PADI6: variants seen among roughly 807,000 people sequenced by gnomAD.
PADI6 encodes inactive protein-arginine deiminase type-6.
A neutral mutation model predicts 78.2 loss-of-function variants in PADI6; 66 were observed. The observed-to-expected ratio is 0.84, with a 90% CI of 0.69 to 1.04. The LOEUF (loss-of-function observed/expected upper bound fraction) is 1.04. Among genes scored for constraint, PADI6 ranks in the 50% least tolerant of loss-of-function variants. The probability of loss-of-function intolerance (pLI) is 0.00; values close to 1 mark genes in which losing one functional copy is unlikely to be tolerated. For synonymous variants in PADI6, 397 were observed against 346.9 expected, an observed-to-expected ratio of 1.14 and a Z score of -1.60; for missense variants, 854 against 866.1, an observed-to-expected ratio of 0.99 and a Z score of 0.18.
Position 17,400,774 on chromosome 1 carries a change from A to C in PADI6, c.1852-431A>C, listed in dbSNP as rs78528908. Among the ~76,000 whole-genome samples, 62 of 152,166 alleles carry C rather than the reference A, an allele frequency of 4.1e-4. 2 individuals are homozygous for C. In the East Asian group the frequency reaches 0.01, roughly 25 times the overall value. ...AGGGACACAGGCCCTGCATGCTCCAATTGTACATGGGTGTCTTCTAACTTG... is the reference window on the plus strand; with the variant it reads ...AGGGACACAGGCCCTGCATGCTCCACTTGTACATGGGTGTCTTCTAACTTG... On this transcript the variant is annotated intron_variant, in intron 15 of 15. Transcript: ENST00000619609.
intron 3 of PADI6, among the ~76,000 whole-genome samples, chr1:17,376,687 T>C (rs529052816): frequency 4.6e-5 from 7 of 151,932 alleles, no homozygotes; most frequent in Middle Eastern, 3.4e-3. Context: ...CGTGAGCCAC[T>C]GTGCTGGGCC....
chr1:17,382,162 C>T, intron 6 of PADI6, 70 bp downstream of exon 6: 6 of 1,568,800 alleles, frequency 3.8e-6, no homozygotes, highest in Non-Finnish European at 5.2e-6. Context: ...CCCACACCTC[C>T]TCCCAGCAAG....
chr1:17,373,944 T>C (rs768902673), intron 2 of PADI6, among the ~76,000 whole-genome samples: 3 of 152,078 alleles, frequency 2.0e-5, no homozygotes, highest in Non-Finnish European at 4.4e-5. Flanking sequence ...GGTGCCTATG[T>C]TGGGGAGGTT....
chr1:17,380,084 T>C (rs2075058073), intron 4 of PADI6, 97 bp downstream of exon 4: 1 of 1,205,396 alleles, frequency 8.3e-7, no homozygotes, highest in Non-Finnish European at 1.2e-6. Flanking sequence ...CTAGCCCAAT[T>C]GCTGTGACAT....
chr1:17,389,033 C>T (rs1192322273), intron 8 of PADI6, among the ~76,000 whole-genome samples, 153 bp downstream of exon 8: 1 of 152,210 alleles, frequency 6.6e-6, no homozygotes, highest in Non-Finnish European at 1.5e-5. Flanking sequence ...TGCCCCAAGA[C>T]AGTCCAATAC....
intron 6 of PADI6, among the ~76,000 whole-genome samples, chr1:17,388,033 T>C (rs1287450042): frequency 6.6e-6 from 1 of 152,244 alleles, no homozygotes; most frequent in African/African-American, 2.4e-5. Flanking sequence ...AGGACTCTGA[T>C]ATTATCGCAG....
chr1:17,390,983 G>T (rs899726207), intron 8 of PADI6, among the ~76,000 whole-genome samples: 2 of 152,196 alleles, frequency 1.3e-5, no homozygotes, highest in African/African-American at 4.8e-5. Flanking sequence ...TCTAGACCTT[G>T]TCAGGCTGGT....
rs1298116521 is a variant in PADI6, at chr1:17,376,794, A to G, written c.367+1295A>G. ...AATCTTCTCAAATTAGACACCTACC[A>G]CCAACGGAGTTCTTTTAGAACTCTA... is the stretch of plus-strand genomic sequence containing the variant. On this transcript the variant is annotated intron_variant, in intron 3 of 15. Coordinates refer to ENST00000619609, the MANE Select transcript of PADI6 (RefSeq NM_207421.4). Among the ~76,000 whole-genome samples, 8 of 152,274 alleles carry G rather than the reference A, an allele frequency of 5.3e-5. 1 individual carries two copies. The South Asian group carries it at 1.4e-3, about 28-fold the overall frequency.
chr1:17,387,405 G>A (rs1056394165), intron 6 of PADI6, among the ~76,000 whole-genome samples: 1 of 149,154 alleles, frequency 6.7e-6, no homozygotes, highest in Non-Finnish European at 1.5e-5. Flanking sequence ...AGATAGTGCC[G>A]CTACACTCTA....
At chr1:17,392,761 A>G (rs1386976844) in intron 9 of PADI6, among the ~76,000 whole-genome samples, 1 of 152,202 alleles carries the variant, frequency 6.6e-6, no homozygotes, top group Non-Finnish European at 1.5e-5. Flanking sequence ...ATTAGACCAA[A>G]TGAGGCAGTT....
chr1:17,399,729 T>TAA (rs71575834), intron 15 of PADI6, among the ~76,000 whole-genome samples: 19,186 of 147,570 alleles, frequency 0.13, 1,341 homozygotes, highest in East Asian at 0.28. Context: ...CCTGCAACTT[T>TAA]AAAAAAAAGA....
In PADI6 at chr1:17,399,194, T is replaced by A. The variant is rs756534325; in HGVS notation, c.1851+347T>A. Among the ~76,000 whole-genome samples, 125 of 152,190 alleles carry A rather than the reference T, an allele frequency of 8.2e-4. 1 individual carries two copies. Among genetic ancestry groups the A allele is most frequent in the Non-Finnish European group, 8.2e-4 (56 of 68,036 alleles). ...AACCCAGAGTCGAGGTTGCCGCGCATCTGCCAGCAGCGAGGCCTTGAGCAA... is the reference window on the plus strand; with the variant it reads ...AACCCAGAGTCGAGGTTGCCGCGCAACTGCCAGCAGCGAGGCCTTGAGCAA... On this transcript the variant is annotated intron_variant, in intron 15 of 15. Coordinates refer to ENST00000619609, the MANE Select transcript of PADI6 (RefSeq NM_207421.4).
intron 6 of PADI6, among the ~76,000 whole-genome samples, chr1:17,386,633 G>A (rs1056456576): frequency 6.6e-6 from 1 of 152,238 alleles, no homozygotes; most frequent in African/African-American, 2.4e-5. Context: ...CAGGGCTGGT[G>A]AAGCATCTAG....
At chr1:17,384,702 G>A (rs908647522) in intron 6 of PADI6, among the ~76,000 whole-genome samples, 1 of 152,212 alleles carries the variant, frequency 6.6e-6, no homozygotes. Flanking sequence ...TTGCACCACT[G>A]CACTCCAGTC....
At chr1:17,373,669 T>G (rs1445999859) in intron 2 of PADI6, among the ~76,000 whole-genome samples, 1 of 152,076 alleles carries the variant, frequency 6.6e-6, no homozygotes, top group African/African-American at 2.4e-5. Context: ...TTTTGTATTT[T>G]TAGTATGAGA....
At chr1:17,385,915 C>G (rs1308549683) in intron 6 of PADI6, among the ~76,000 whole-genome samples, 3 of 152,168 alleles carry the variant, frequency 2.0e-5, no homozygotes, top group Non-Finnish European at 4.4e-5. Flanking sequence ...CTCAAATCAT[C>G]AGTATTTGCT....
In PADI6 at chr1:17,380,468, C is replaced by T. The variant is rs111350221; in HGVS notation, c.435+481C>T. Among the ~76,000 whole-genome samples, 503 of 152,190 alleles carry T rather than the reference C, an allele frequency of 3.3e-3. 4 individuals carry two copies. The highest frequency in any genetic ancestry group is 0.012 in the African/African-American group (485 of 41,540). On this transcript the variant is annotated intron_variant, in intron 4 of 15. Transcript: ENST00000619609. The stretch of plus-strand genomic sequence containing the variant: ...CTGCAAGCTCCATCTCCCAGGTTCA[C>T]GCCATTCTCCTGCCTCAGCCTGCCG...
chr1:17,399,010 C>T (rs2075275300), intron 15 of PADI6, among the ~76,000 whole-genome samples, 163 bp downstream of exon 15: 1 of 152,112 alleles, frequency 6.6e-6, no homozygotes, highest in Non-Finnish European at 1.5e-5. Flanking sequence ...AGGGACGCCC[C>T]ACCCAGAGAG....
chr1:17,376,273 A>G (rs960852686), intron 3 of PADI6, among the ~76,000 whole-genome samples: 2 of 147,164 alleles, frequency 1.4e-5, no homozygotes, highest in African/African-American at 5.2e-5. Context: ...GTGCCTGGCC[A>G]TATCATCTCT....
Sources: allele counts gnomAD v4.1 joint callset (sites outside exome capture counted in the v4.1 genomes callset), GRCh38; gene constraint gnomAD v4.1.1; transcripts MANE v1.5; gene names NCBI Gene and HGNC (gene_info 2026-07-23, HGNC 2026-07-21).